EPHA5: variants seen among roughly 807,000 people sequenced by gnomAD.
The protein encoded by EPHA5 is ephrin type-A receptor 5.
Under a neutral mutation model 105.0 loss-of-function variants are expected in EPHA5, and 60 were observed. That is an observed-to-expected ratio of 0.57 (90% confidence interval 0.46 to 0.71). The LOEUF (loss-of-function observed/expected upper bound fraction) is 0.71. Ranked by LOEUF, EPHA5 falls within the 30% of genes least tolerant of loss-of-function variation. The pLI, the probability that EPHA5 is intolerant of heterozygous loss-of-function variation, is 0.00. For missense variants in EPHA5, 1,218 were observed against 1,274.7 expected (o/e 0.96, Z 0.68); for synonymous variants, 513 against 449.1 (o/e 1.14, Z -1.80).
intron 3 of EPHA5, among the ~76,000 whole-genome samples, chr4:65,534,794 C>G (rs1560661723): frequency 6.6e-6 from 1 of 152,152 alleles, no homozygotes; most frequent in South Asian, 2.1e-4. Context: ...ATGAGAGAAA[C>G]ACTGCATCAA....
At chr4:65,526,996 G>A (rs1735299347) in intron 3 of EPHA5, among the ~76,000 whole-genome samples, 1 of 151,932 alleles carries the variant, frequency 6.6e-6, no homozygotes, top group African/African-American at 2.4e-5. Flanking sequence ...TGTAAATGTA[G>A]TTACCATTTC....
chr4:65,632,057 T>C (rs1746687222), intron 2 of EPHA5, among the ~76,000 whole-genome samples: 1 of 151,994 alleles, frequency 6.6e-6, no homozygotes, highest in African/African-American at 2.4e-5. Context: ...ACTGACTCAT[T>C]GTAATCCTTA....
At chr4:65,401,645 T>G (rs766245914) in intron 8 of EPHA5, among the ~76,000 whole-genome samples, 2 of 152,140 alleles carry the variant, frequency 1.3e-5, no homozygotes, top group Non-Finnish European at 2.9e-5. Context: ...TGTTGTGAAA[T>G]TAAATTGGAT....
At chr4:65,615,895 T>C (rs1047986058) in intron 2 of EPHA5, among the ~76,000 whole-genome samples, 1 of 151,864 alleles carries the variant, frequency 6.6e-6, no homozygotes, top group South Asian at 2.1e-4. Flanking sequence ...TTAAATTAAA[T>C]CTGAAATTGC....
intron 2 of EPHA5, among the ~76,000 whole-genome samples, chr4:65,610,281 G>A (rs4391090): frequency 0.87 from 132,323 of 152,094 alleles, 57,921 homozygotes; most frequent in Non-Finnish European, 0.91. Flanking sequence ...ACACAGAAAC[G>A]GAAATCCAAA....
chr4:65,319,580 T>A lies in EPHA5; in HGVS notation c.*4534A>T, dbSNP rs1327535632. 1 of 201,362 alleles carries A rather than the reference T, an allele frequency of 5.0e-6. No individual in the cohort carries two copies. The highest frequency in any genetic ancestry group is 2.3e-5 in the African/African-American group (1 of 43,582). 12.5% of individuals were successfully genotyped at this position (201,362 alleles called of 1,614,324 possible). ...ATCAGATGTAACTGTATTCAAAGGGTTTTTATTTTCTGAAAAAATATAAAA... is the reference window on the plus strand; with the variant it reads ...ATCAGATGTAACTGTATTCAAAGGGATTTTATTTTCTGAAAAAATATAAAA... On this transcript the variant is annotated 3_prime_UTR_variant, in exon 17 of 17. Transcript: ENST00000613740.
chr4:65,408,800 G>C (rs1017508027), intron 7 of EPHA5, among the ~76,000 whole-genome samples: 2 of 151,490 alleles, frequency 1.3e-5, no homozygotes, highest in African/African-American at 2.4e-5. Flanking sequence ...CAGGGATCTA[G>C]AACTAGAAAT....
chr4:65,595,255 G>A (rs141247945), intron 3 of EPHA5, among the ~76,000 whole-genome samples: 1 of 151,638 alleles, frequency 6.6e-6, no homozygotes, highest in African/African-American at 2.4e-5. Context: ...GAGTCTATAT[G>A]CATGTTTGTA....
intron 5 of EPHA5, among the ~76,000 whole-genome samples, chr4:65,481,035 C>T (rs1242924282): frequency 2.6e-5 from 4 of 152,124 alleles, no homozygotes; most frequent in Non-Finnish European, 5.9e-5. Context: ...TAGGGGCATG[C>T]AGCTCATTGC....
intron 14 of EPHA5, among the ~76,000 whole-genome samples, chr4:65,347,481 T>A (rs1722333521): frequency 6.6e-6 from 1 of 152,228 alleles, no homozygotes; most frequent in Admixed American, 6.5e-5. Context: ...GAACAGAAGA[T>A]TCTTTCATAG....
chr4:65,663,140 A>G (rs1749687378), intron 1 of EPHA5, among the ~76,000 whole-genome samples: 2 of 152,304 alleles, frequency 1.3e-5, no homozygotes, highest in South Asian at 2.1e-4. Context: ...TTTAATTATG[A>G]ATAGAATCTA....
rs368506841 is a variant in EPHA5, at chr4:65,365,244, T to C, written c.1988-42A>G. 177 of 1,572,598 alleles carry C rather than the reference T, an allele frequency of 1.1e-4. 1 individual carries two copies. In the African/African-American group the frequency reaches 2.3e-3, roughly 20 times the overall value. On this transcript the variant is annotated intron_variant, in intron 10 of 16. Coordinates refer to ENST00000613740, the MANE Select transcript of EPHA5 (RefSeq NM_001281766.3). The stretch of plus-strand genomic sequence containing the variant: ...AAAAAATGCAAAAACTCATTTGAAA[T>C]TGTTAGTCTATTAACACTTGTATGC...
chr4:65,668,663 T>C (rs1291509616), intron 1 of EPHA5, among the ~76,000 whole-genome samples: 2 of 151,866 alleles, frequency 1.3e-5, no homozygotes, highest in Non-Finnish European at 2.9e-5. Context: ...CAGGTGTTGC[T>C]CCCGCGCCAG....
chr4:65,595,273 A>G (rs1743058476), intron 3 of EPHA5, among the ~76,000 whole-genome samples: 1 of 152,068 alleles, frequency 6.6e-6, no homozygotes, highest in African/African-American at 2.4e-5. Context: ...GTATGTATAT[A>G]TGTCCACATT....
intron 11 of EPHA5, among the ~76,000 whole-genome samples, chr4:65,362,940 T>G (rs543375108): frequency 1.3e-5 from 2 of 151,790 alleles, no homozygotes; most frequent in East Asian, 3.9e-4. Context: ...TTGAACCAAA[T>G]GAAGAAACGT....
intron 3 of EPHA5, among the ~76,000 whole-genome samples, chr4:65,567,952 A>T (rs1165180760): frequency 2.0e-5 from 3 of 151,548 alleles, no homozygotes; most frequent in South Asian, 2.1e-4. Flanking sequence ...AGGGGCAATA[A>T]ATTATTGGCT....
intron 7 of EPHA5, among the ~76,000 whole-genome samples, chr4:65,409,028 A>T (rs1332309535): frequency 6.7e-6 from 1 of 148,534 alleles, no homozygotes; most frequent in African/African-American, 2.5e-5. Context: ...GGATGAGTTC[A>T]TGTCCTTTTT....
At chr4:65,463,280 T>A (rs1728296044) in intron 5 of EPHA5, among the ~76,000 whole-genome samples, 1 of 152,168 alleles carries the variant, frequency 6.6e-6, no homozygotes, top group Non-Finnish European at 1.5e-5. Context: ...ATAGTGACAT[T>A]CACAAGGTAA....
intron 2 of EPHA5, among the ~76,000 whole-genome samples, chr4:65,626,761 C>T (rs1307926741): frequency 6.6e-6 from 1 of 152,164 alleles, no homozygotes; most frequent in Non-Finnish European, 1.5e-5. Flanking sequence ...TTCAATATAA[C>T]TTTCTGTGGG....
Sources: allele counts gnomAD v4.1 joint callset (sites outside exome capture counted in the v4.1 genomes callset), GRCh38; gene constraint gnomAD v4.1.1; transcripts MANE v1.5; gene names NCBI Gene and HGNC (gene_info 2026-07-23, HGNC 2026-07-21).